RMND5A: variants seen among roughly 807,000 people sequenced by gnomAD.
RMND5A encodes the protein E3 ubiquitin-protein transferase RMND5A.
In RMND5A, 17 loss-of-function variants were observed where a neutral mutation model predicts 49.7. The observed-to-expected ratio is 0.34, with a 90% CI of 0.23 to 0.51. RMND5A has a LOEUF of 0.51. RMND5A is among the 20% of genes least tolerant of loss of function. The probability of loss-of-function intolerance (pLI) is 0.96; values close to 1 mark genes in which losing one functional copy is unlikely to be tolerated. For missense variants in RMND5A, 255 were observed against 471.3 expected (o/e 0.54, Z 4.25); for synonymous variants, 156 against 167.7 (o/e 0.93, Z 0.54).
Position 86,751,895 on chromosome 2 carries a change from G to C in RMND5A, c.286-1G>C. 1.2e-6 allele frequency: 2 copies of C among 1,610,164 alleles called. No individual in the cohort carries two copies. The highest frequency in any genetic ancestry group is 1.7e-6 in the Non-Finnish European group (2 of 1,177,810). Reference sequence around the variant, plus strand: ...ATTCCCTTTCTCTTTCTTTTCCCCAGAATTTTGATTCTGACATTAGCAGTG... The same window carrying C: ...ATTCCCTTTCTCTTTCTTTTCCCCACAATTTTGATTCTGACATTAGCAGTG... On this transcript the variant is annotated splice_acceptor_variant, in intron 2 of 8. Transcript: ENST00000283632. LOFTEE classifies it high-confidence loss of function.
chr2:86,762,718 C>CATATATATATCAT (rs5832692), intron 4 of RMND5A, among the ~76,000 whole-genome samples: 3 of 28,950 alleles, frequency 1.0e-4, no homozygotes, highest in African/African-American at 3.6e-4. Flanking sequence ...TCATATATAT[C>CATATATATATCAT]ATATATATCA....
intron 2 of RMND5A, among the ~76,000 whole-genome samples, chr2:86,744,930 C>A (rs1681511559): frequency 6.6e-6 from 1 of 152,000 alleles, no homozygotes; most frequent in Non-Finnish European, 1.5e-5. Flanking sequence ...CCTGGCCTCC[C>A]ATTGTTGGGA....
rs1371429795 is a variant in RMND5A, at chr2:86,746,737, A to G, written c.286-5159A>G. Reference sequence around the variant, plus strand: ...TCATCCTTGGAAGAATTAATAAAATAGCCACAGAAAGGCAGATAACTAATA... The same window carrying G: ...TCATCCTTGGAAGAATTAATAAAATGGCCACAGAAAGGCAGATAACTAATA... On this transcript the variant is annotated intron_variant, in intron 2 of 8. Transcript: ENST00000283632. 3.9e-5 allele frequency among the ~76,000 whole-genome samples: 6 copies of G among 152,380 alleles called. No individual in the cohort carries two copies. In the South Asian group the frequency reaches 8.3e-4, roughly 21 times the overall value.
intron 4 of RMND5A, among the ~76,000 whole-genome samples, chr2:86,755,237 G>T (rs1327435568): frequency 6.6e-6 from 1 of 151,820 alleles, no homozygotes; most frequent in Non-Finnish European, 1.5e-5. Flanking sequence ...TCCTGCCCCG[G>T]CCTCCTGAGT....
chr2:86,747,457 G>A (rs1681557326), intron 2 of RMND5A, among the ~76,000 whole-genome samples: 2 of 152,204 alleles, frequency 1.3e-5, no homozygotes, highest in South Asian at 4.1e-4. Flanking sequence ...AGGAGAACCA[G>A]AATCCAGGTC....
In RMND5A at chr2:86,777,667, A is replaced by G. The variant is rs1419648199; in HGVS notation, c.*4256A>G. The G allele has an allele frequency of 6.6e-6, 1 of 152,178 alleles. No homozygotes were observed. Among genetic ancestry groups the G allele is most frequent in the Non-Finnish European group, 1.5e-5 (1 of 68,042 alleles). The allele number at this position is 152,178 out of a possible 1,614,324, so 9.4% of individuals were successfully genotyped here. ...GTAACGAGAATAGTGTTGCACTGTA[A>G]TCTATCATATAGAGCTATATGTATG... is the stretch of plus-strand genomic sequence containing the variant. On this transcript the variant is annotated 3_prime_UTR_variant, in exon 9 of 9. Coordinates refer to ENST00000283632, the MANE Select transcript of RMND5A (RefSeq NM_022780.4).
At chr2:86,732,427 A>G in intron 1 of RMND5A, among the ~76,000 whole-genome samples, 1 of 148,102 alleles carries the variant, frequency 6.8e-6, no homozygotes, top group Non-Finnish European at 1.5e-5. Context: ...AGATTGTATT[A>G]AGGTGAGCCA....
At chr2:86,762,682 T>TATATATATC (rs58739685) in intron 4 of RMND5A, among the ~76,000 whole-genome samples, 107 of 131,678 alleles carry the variant, frequency 8.1e-4, no homozygotes, top group South Asian at 4.0e-3. Context: ...ATATATATCA[T>TATATATATC]ATATATATCA....
Position 86,771,677 on chromosome 2 carries a change from A to G in RMND5A, c.1077A>G (p.Ser359=). 6.2e-7 allele frequency: 1 copy of G among 1,613,080 alleles called. No individual in the cohort carries two copies. The highest frequency in any genetic ancestry group is 8.5e-7 in the Non-Finnish European group (1 of 1,179,472). Reference sequence around the variant, plus strand: ...AATTGGTCTGTGGTCATATTATATCAAGAGATGCCCTGAATAAAATGTTTA... The same window carrying G: ...AATTGGTCTGTGGTCATATTATATCGAGAGATGCCCTGAATAAAATGTTTA... The part of the protein sequence containing the change: ...PMKLVCGHII[S]RDALNKMFNG... Residue 359 remains serine, a synonymous_variant, in exon 8 of 9, where the codon TCA becomes TCG. Transcript: ENST00000283632.
chr2:86,765,846 G>T lies in RMND5A; in HGVS notation c.689-13G>T, dbSNP rs1019074616. 6.2e-7 allele frequency: 1 copy of T among 1,612,174 alleles called. No individual in the cohort carries two copies. The highest frequency in any genetic ancestry group is 8.5e-7 in the Non-Finnish European group (1 of 1,178,958). On this transcript the variant is annotated splice_polypyrimidine_tract_variant and intron_variant, in intron 5 of 8. Transcript: ENST00000283632. ...CAAGCAAACTAATGCTTTCTTGCTG[G>T]TGCTTTTTTTAGACATTCAGGTTTT...
At chr2:86,752,550 A>G (rs1435255211) in intron 3 of RMND5A, among the ~76,000 whole-genome samples, 1 of 152,238 alleles carries the variant, frequency 6.6e-6, no homozygotes, top group African/African-American at 2.4e-5. Context: ...TAGCTGCCAT[A>G]TATTGAGTGC....
intron 4 of RMND5A, among the ~76,000 whole-genome samples, chr2:86,761,057 G>A (rs2104404585): frequency 6.6e-6 from 1 of 151,770 alleles, no homozygotes; most frequent in African/African-American, 2.4e-5. Flanking sequence ...CTTATTGAAA[G>A]AAGATGGTAA....
intron 7 of RMND5A, among the ~76,000 whole-genome samples, 177 bp downstream of exon 7, chr2:86,770,302 C>T (rs1321299840): frequency 6.6e-6 from 1 of 151,818 alleles, no homozygotes; most frequent in Non-Finnish European, 1.5e-5. Context: ...TTTTGGGGAC[C>T]CTGGAGGAGG....
chr2:86,767,103 C>A (rs892930754), intron 6 of RMND5A, among the ~76,000 whole-genome samples: 7 of 151,954 alleles, frequency 4.6e-5, no homozygotes, highest in Admixed American at 3.9e-4. Context: ...CTCCCTCTGT[C>A]CCCTGGCTGG....
chr2:86,776,680 C>T lies in RMND5A; in HGVS notation c.*3269C>T, dbSNP rs933992466. 6.6e-6 allele frequency: 1 copy of T among 152,222 alleles called. No individual in the cohort carries two copies. The highest frequency in any genetic ancestry group is 2.4e-5 in the African/African-American group (1 of 41,434). 9.4% of individuals were successfully genotyped at this position (152,222 alleles called of 1,614,324 possible). On this transcript the variant is annotated 3_prime_UTR_variant, in exon 9 of 9. Coordinates refer to ENST00000283632, the MANE Select transcript of RMND5A (RefSeq NM_022780.4). Reference sequence around the variant, plus strand: ...TTAGCCCTCTGGTTTTCCAGCTCAACCTCTGATAAAGTGGACTGAGAGCCA... The same window carrying T: ...TTAGCCCTCTGGTTTTCCAGCTCAATCTCTGATAAAGTGGACTGAGAGCCA...
At chr2:86,749,866 G>A (rs1681603226) in intron 2 of RMND5A, among the ~76,000 whole-genome samples, 1 of 152,164 alleles carries the variant, frequency 6.6e-6, no homozygotes, top group African/African-American at 2.4e-5. Context: ...TCTAGAGATA[G>A]GGTAGATAGC....
intron 2 of RMND5A, among the ~76,000 whole-genome samples, chr2:86,744,563 A>G (rs1681504205): frequency 6.6e-6 from 1 of 152,230 alleles, no homozygotes; most frequent in South Asian, 2.1e-4. Flanking sequence ...AATTTTAGTC[A>G]TGCTCAGTGG....
In RMND5A at chr2:86,776,536, A is replaced by C. The variant is rs1672772278; in HGVS notation, c.*3125A>C. 1 of 152,184 alleles carries C rather than the reference A, an allele frequency of 6.6e-6. No individual in the cohort carries two copies. Among genetic ancestry groups the C allele is most frequent in the Non-Finnish European group, 1.5e-5 (1 of 68,030 alleles). 9.4% of individuals were successfully genotyped at this position (152,184 alleles called of 1,614,324 possible). A position where few individuals can be genotyped will look rare whatever the true frequency, so the allele number is the denominator to read the frequency against. ...GGTAGTCTCGCAGGTTATGCAGCTT[A>C]AGTTCAGTCTTCTTTATGCTGCGAT... is the stretch of plus-strand genomic sequence containing the variant. On this transcript the variant is annotated 3_prime_UTR_variant, in exon 9 of 9. Coordinates refer to ENST00000283632, the MANE Select transcript of RMND5A (RefSeq NM_022780.4).
chr2:86,754,834 T>C (rs185475255), intron 4 of RMND5A, among the ~76,000 whole-genome samples: 1 of 152,324 alleles, frequency 6.6e-6, no homozygotes, highest in Non-Finnish European at 1.5e-5. Context: ...GTGCTGGAAT[T>C]ACAGACTTGA....
Sources: gnomAD v4.1 joint callset for allele counts (sites outside exome capture counted in the v4.1 genomes callset) on GRCh38, gnomAD v4.1.1 for gene constraint, MANE v1.5 for transcripts, NCBI Gene and HGNC (gene_info 2026-07-23, HGNC 2026-07-21) for gene names.